MMP26: variants seen among roughly 807,000 people sequenced by gnomAD.
MMP26 encodes matrix metalloproteinase-26.
A neutral mutation model predicts 31.0 loss-of-function variants in MMP26; 33 were observed. The ratio of observed to expected loss-of-function variants is 1.06; its 90% confidence interval spans 0.81 to 1.42. The LOEUF (loss-of-function observed/expected upper bound fraction) is 1.42. Ranked by LOEUF, MMP26 falls within the 40% of genes most tolerant of loss-of-function variation. MMP26 has a pLI of 0.00. For missense variants in MMP26, 347 were observed against 316.1 expected (o/e 1.10, Z -0.74); for synonymous variants, 122 against 114.9 (o/e 1.06, Z -0.40).
chr11:4,720,847 G>A lies in MMP26; in HGVS notation c.-217+15802G>A, dbSNP rs139969824. On this transcript the variant is annotated intron_variant, in intron 1 of 7. Coordinates refer to ENST00000380390, the MANE Select transcript of MMP26 (RefSeq NM_021801.5). ...GGAACACCACAGAAAGACCTCTCGTGGAGTTGAGACTTAGGTCCCTGAATA... is the reference window on the plus strand; with the variant it reads ...GGAACACCACAGAAAGACCTCTCGTAGAGTTGAGACTTAGGTCCCTGAATA... 6.3e-3 allele frequency among the ~76,000 whole-genome samples: 958 copies of A among 152,280 alleles called. 9 individuals carry two copies. The highest frequency in any genetic ancestry group is 0.021 in the African/African-American group (888 of 41,546).
intron 2 of MMP26, among the ~76,000 whole-genome samples, chr11:4,894,360 C>A (rs1208647155): frequency 6.6e-6 from 1 of 152,018 alleles, no homozygotes; most frequent in Non-Finnish European, 1.5e-5. Flanking sequence ...TGATTCTGAG[C>A]TTTTTAAACT....
intron 2 of MMP26, among the ~76,000 whole-genome samples, chr11:4,983,702 G>T (rs1846846948): frequency 6.6e-6 from 1 of 152,028 alleles, no homozygotes; most frequent in Non-Finnish European, 1.5e-5. Flanking sequence ...TATAAAATCT[G>T]GTATCCATTA....
At chr11:4,830,339 G>T (rs1180702041) in intron 2 of MMP26, 1 of 152,154 alleles carries the variant, frequency 6.6e-6, no homozygotes, top group Admixed American at 6.6e-5. Context: ...GTCTTTCAGA[G>T]GAATGGAGGT....
chr11:4,983,031 A>G (rs1270927375), intron 2 of MMP26, among the ~76,000 whole-genome samples: 1 of 152,242 alleles, frequency 6.6e-6, no homozygotes, highest in African/African-American at 2.4e-5. Flanking sequence ...TTTATTTAAT[A>G]GACCATTCTA....
chr11:4,723,134 G>A (rs1163314998), intron 1 of MMP26: 1 of 1,592,508 alleles, frequency 6.3e-7, no homozygotes, highest in Non-Finnish European at 8.6e-7. Flanking sequence ...GGACAGCTTG[G>A]AGTTGGCATC....
intron 2 of MMP26, among the ~76,000 whole-genome samples, chr11:4,930,674 T>C (rs1169402012): frequency 1.3e-5 from 2 of 152,124 alleles, no homozygotes; most frequent in African/African-American, 4.8e-5. Flanking sequence ...TTAGATTTAA[T>C]ATTTTTAGCA....
intron 2 of MMP26, among the ~76,000 whole-genome samples, chr11:4,898,829 C>G (rs894701525): frequency 8.0e-6 from 1 of 125,428 alleles, no homozygotes; most frequent in South Asian, 2.7e-4. Context: ...CTCTCTCTCT[C>G]TCTGTGTGTG....
intron 1 of MMP26, among the ~76,000 whole-genome samples, chr11:4,735,990 G>T (rs913590128): frequency 6.6e-6 from 1 of 151,984 alleles, no homozygotes; most frequent in Admixed American, 6.6e-5. Flanking sequence ...TAGATTAGTA[G>T]TAATTCTATT....
At chr11:4,957,022 C>T (rs555843120) in intron 2 of MMP26, among the ~76,000 whole-genome samples, 8 of 152,112 alleles carry the variant, frequency 5.3e-5, no homozygotes, top group African/African-American at 1.7e-4. Flanking sequence ...AAGATCAAGT[C>T]GTCTGTTTAA....
intron 2 of MMP26, among the ~76,000 whole-genome samples, chr11:4,857,536 A>G (rs1302242701): frequency 6.6e-6 from 1 of 152,214 alleles, no homozygotes; most frequent in African/African-American, 2.4e-5. Context: ...AAGAAGTTGA[A>G]TCCCTGAATA....
intron 2 of MMP26, among the ~76,000 whole-genome samples, chr11:4,797,474 C>G (rs1385107894): frequency 6.6e-6 from 1 of 152,156 alleles, no homozygotes; most frequent in Non-Finnish European, 1.5e-5. Flanking sequence ...GCTGCAGAGA[C>G]TGTGCACTAT....
intron 2 of MMP26, among the ~76,000 whole-genome samples, chr11:4,845,748 GA>G (rs1849858274): frequency 6.6e-6 from 1 of 152,106 alleles, no homozygotes; most frequent in South Asian, 2.1e-4. Context: ...ACTCCACATG[GA>G]AAAAAACCAA....
At chr11:4,838,725 C>G (rs141433421) in intron 2 of MMP26, among the ~76,000 whole-genome samples, 1 of 152,048 alleles carries the variant, frequency 6.6e-6, no homozygotes, top group Non-Finnish European at 1.5e-5. Flanking sequence ...AGAAAGTTAT[C>G]GAGATTCAGA....
intron 1 of MMP26, among the ~76,000 whole-genome samples, chr11:4,764,235 T>C (rs1007929636): frequency 2.0e-5 from 3 of 152,210 alleles, no homozygotes; most frequent in African/African-American, 7.2e-5. Flanking sequence ...AAAAGGGAAA[T>C]TTTAAAGTTG....
At chr11:4,757,408 C>T (rs1848517967) in intron 1 of MMP26, among the ~76,000 whole-genome samples, 1 of 151,804 alleles carries the variant, frequency 6.6e-6, no homozygotes, top group African/African-American at 2.4e-5. Flanking sequence ...GATTTTATGA[C>T]CTTGGGTTAG....
intron 2 of MMP26, among the ~76,000 whole-genome samples, chr11:4,817,753 C>T (rs1564787437): frequency 2.0e-5 from 3 of 152,136 alleles, no homozygotes. Flanking sequence ...TGAGGAATCT[C>T]CTGGGAATTT....
chr11:4,856,971 T>C (rs1404856545), intron 2 of MMP26, among the ~76,000 whole-genome samples: 1 of 152,192 alleles, frequency 6.6e-6, no homozygotes, highest in Non-Finnish European at 1.5e-5. Context: ...CCTGAATGAC[T>C]ACTGGGTACA....
At chr11:4,916,619 G>C (rs944438415) in intron 2 of MMP26, among the ~76,000 whole-genome samples, 1 of 151,864 alleles carries the variant, frequency 6.6e-6, no homozygotes, top group South Asian at 2.1e-4. Flanking sequence ...CTTCTCCTCT[G>C]GTCTTCCTGA....
chr11:4,935,749 C>T (rs1038839343), intron 2 of MMP26, among the ~76,000 whole-genome samples: 10 of 149,984 alleles, frequency 6.7e-5, no homozygotes, highest in African/African-American at 2.4e-4. Context: ...GAAATACGTC[C>T]CATCAATACC....
Sources: gnomAD v4.1 joint callset for allele counts (sites outside exome capture counted in the v4.1 genomes callset) on GRCh38, gnomAD v4.1.1 for gene constraint, MANE v1.5 for transcripts, NCBI Gene and HGNC (gene_info 2026-07-23, HGNC 2026-07-21) for gene names.